DUSP16: variants seen among roughly 807,000 people sequenced by gnomAD.
DUSP16 encodes dual specificity protein phosphatase 16.
Under a neutral mutation model 58.3 loss-of-function variants are expected in DUSP16, and 21 were observed. That is an observed-to-expected ratio of 0.36 (90% CI 0.26 to 0.52). DUSP16 has a LOEUF of 0.52. Ranked by LOEUF, DUSP16 falls within the 20% of genes least tolerant of loss-of-function variation. The pLI is 0.94. For synonymous variants in DUSP16, 320 were observed against 323.8 expected, an observed-to-expected ratio of 0.99 and a Z score of 0.12; for missense variants, 726 against 819.0, an observed-to-expected ratio of 0.89 and a Z score of 1.39.
At position 12,562,667 on chromosome 12, in the gene DUSP16, G is replaced by A. The variant is rs1484064723; in HGVS notation, c.-916C>T. ...TAAAAATAAAGAGATGGCGTCACTT[G>A]AAACCAATCCCAGTGAATGAACTCA... On this transcript the variant is annotated 5_prime_UTR_variant, in exon 1 of 7. Coordinates refer to ENST00000298573, the MANE Select transcript of DUSP16 (RefSeq NM_030640.3). Among the ~76,000 whole-genome samples, 1 of 152,008 alleles carries A rather than the reference G, an allele frequency of 6.6e-6. No homozygotes were observed. Among genetic ancestry groups the A allele is most frequent in the Non-Finnish European group, 1.5e-5 (1 of 67,894 alleles).
chr12:12,482,063 C>T (rs1177604764), intron 5 of DUSP16, among the ~76,000 whole-genome samples: 1 of 152,128 alleles, frequency 6.6e-6, no homozygotes, highest in Non-Finnish European at 1.5e-5. Flanking sequence ...TTATTGAAAA[C>T]TGCTTCAAAT....
chr12:12,538,655 T>C (rs1944506923), intron 1 of DUSP16, among the ~76,000 whole-genome samples: 1 of 152,158 alleles, frequency 6.6e-6, no homozygotes, highest in Non-Finnish European at 1.5e-5. Context: ...TGTGGAGAGT[T>C]GCCCTCACCA....
intron 1 of DUSP16, among the ~76,000 whole-genome samples, chr12:12,555,556 A>T (rs976569747): frequency 2.6e-5 from 4 of 152,204 alleles, no homozygotes; most frequent in African/African-American, 9.6e-5. Flanking sequence ...AATAATGGAT[A>T]TATTAAATAT....
At position 12,477,112 on chromosome 12, in the gene DUSP16, G is replaced by A. The variant is rs529763150; in HGVS notation, c.1719C>T (p.Tyr573=). The A allele has an allele frequency of 4.4e-5, 71 of 1,614,258 alleles. 1 individual carries two copies. In the South Asian group the frequency reaches 6.1e-4, roughly 14 times the overall value. ...AGGCAGAGTAACTGGCACTGCCTCC[G>A]TAGATGGCTGAGGCAGAGTAGAAGT... is the stretch of plus-strand genomic sequence containing the variant. ...SSHFYSASAI[Y]GGSASYSAYS... Residue 573 remains tyrosine (Y), a synonymous_variant, in exon 7 of 7, where the codon TAC becomes TAT. Coordinates refer to ENST00000298573, the MANE Select transcript of DUSP16 (RefSeq NM_030640.3). This position sits in a 1 kb window ranked among gnomAD's most constrained non-coding sequence, Gnocchi z 4.1.
intron 3 of DUSP16, among the ~76,000 whole-genome samples, chr12:12,507,855 C>T (rs1432340289): frequency 3.3e-5 from 5 of 152,206 alleles, no homozygotes; most frequent in Non-Finnish European, 5.9e-5. Flanking sequence ...GTGATCAGCC[C>T]GCCTTGGCCT....
chr12:12,499,441 A>T (rs574780555), intron 4 of DUSP16, among the ~76,000 whole-genome samples: 1 of 152,332 alleles, frequency 6.6e-6, no homozygotes, highest in South Asian at 2.1e-4. Context: ...ACATATTAAC[A>T]ACACAGTGTT....
chr12:12,503,224 C>CT (rs34349090), intron 3 of DUSP16, among the ~76,000 whole-genome samples: 22,399 of 115,436 alleles, frequency 0.19, 2,690 homozygotes, highest in East Asian at 0.36. Context: ...CTGGTTATTG[C>CT]TTTTTTTTTT....
At chr12:12,504,687 C>T (rs1461433563) in intron 3 of DUSP16, among the ~76,000 whole-genome samples, 2 of 76,546 alleles carry the variant, frequency 2.6e-5, no homozygotes, top group African/African-American at 1.1e-4. Context: ...AACCCAATCT[C>T]TGTTAAAAAA....
chr12:12,522,986 A>G (rs1460605100), intron 1 of DUSP16, among the ~76,000 whole-genome samples: 1 of 152,220 alleles, frequency 6.6e-6, no homozygotes, highest in East Asian at 1.9e-4. Context: ...AAACAGTTTA[A>G]GATTCTAAAT....
chr12:12,550,734 T>A (rs1452069023), intron 1 of DUSP16, among the ~76,000 whole-genome samples: 1 of 151,740 alleles, frequency 6.6e-6, no homozygotes, highest in Non-Finnish European at 1.5e-5. Flanking sequence ...CACGCTGGGG[T>A]CTGTTGGGGA....
chr12:12,504,537 C>T (rs569360874), intron 3 of DUSP16, among the ~76,000 whole-genome samples: 1 of 152,186 alleles, frequency 6.6e-6, no homozygotes, highest in South Asian at 2.1e-4. Flanking sequence ...GCTGGGTTTA[C>T]AGGCATGAGC....
rs150999051 is a variant in DUSP16, at chr12:12,550,892, A to T, written c.-366+11225T>A. Among the ~76,000 whole-genome samples the T allele has an allele frequency of 3.1e-3, 456 of 149,010 alleles. 11 individuals carry two copies. In the East Asian group the frequency reaches 0.069, roughly 23 times the overall value. ...GTACCCCAAAACTTAAAGTATAATTAAAAAAAAAAGCCAGTCTCACTTAAC... is the reference window on the plus strand; with the variant it reads ...GTACCCCAAAACTTAAAGTATAATTTAAAAAAAAAGCCAGTCTCACTTAAC... On this transcript the variant is annotated intron_variant, in intron 1 of 6. Transcript: ENST00000298573.
At chr12:12,494,941 C>T (rs553104113) in intron 4 of DUSP16, among the ~76,000 whole-genome samples, 5 of 152,094 alleles carry the variant, frequency 3.3e-5, no homozygotes, top group Non-Finnish European at 5.9e-5. Flanking sequence ...CAGTGTGGCA[C>T]GGAATAAAGT....
chr12:12,521,145 G>GA lies in DUSP16; in HGVS notation c.-48dup. ...CCCACCTCCTTCTTTAATTTGCCACGATGATGTAATGGTGGTGTGCTCAAA... is the reference window on the plus strand; with the variant it reads ...CCCACCTCCTTCTTTAATTTGCCACGAATGATGTAATGGTGGTGTGCTCAAA... On this transcript the variant is annotated 5_prime_UTR_variant, in exon 2 of 7. Coordinates refer to ENST00000298573, the MANE Select transcript of DUSP16 (RefSeq NM_030640.3). 6.3e-7 allele frequency: 1 copy of GA among 1,590,448 alleles called. No individual in the cohort carries two copies. The highest frequency in any genetic ancestry group is 8.6e-7 in the Non-Finnish European group (1 of 1,168,134).
At chr12:12,549,276 A>G (rs980300576) in intron 1 of DUSP16, among the ~76,000 whole-genome samples, 5 of 152,136 alleles carry the variant, frequency 3.3e-5, no homozygotes, top group Admixed American at 2.6e-4. Flanking sequence ...TAAGTTGCTA[A>G]AAGGCAGACT....
At chr12:12,554,153 C>T (rs780933571) in intron 1 of DUSP16, among the ~76,000 whole-genome samples, 174 of 143,608 alleles carry the variant, frequency 1.2e-3, no homozygotes, top group Non-Finnish European at 2.1e-3. Flanking sequence ...GCTGAGACTG[C>T]GCCACTGCAC....
chr12:12,531,785 C>T (rs1489534470), intron 1 of DUSP16, among the ~76,000 whole-genome samples: 8 of 148,360 alleles, frequency 5.4e-5, no homozygotes, highest in African/African-American at 7.5e-5. Flanking sequence ...GCAGGAGAAT[C>T]GCTTGAACTT....
At chr12:12,540,202 G>A (rs568340292) in intron 1 of DUSP16, among the ~76,000 whole-genome samples, 1 of 151,986 alleles carries the variant, frequency 6.6e-6, no homozygotes, top group African/African-American at 2.4e-5. Context: ...AGCTACTAGT[G>A]AGGCTAAGCC....
At chr12:12,500,067 C>G (rs1328517375) in intron 4 of DUSP16, among the ~76,000 whole-genome samples, 1 of 152,088 alleles carries the variant, frequency 6.6e-6, no homozygotes, top group African/African-American at 2.4e-5. Context: ...CTTTTTAACA[C>G]CTTTCCCCAC....
Sources: allele counts gnomAD v4.1 joint callset (sites outside exome capture counted in the v4.1 genomes callset), GRCh38; gene constraint gnomAD v4.1.1; non-coding constraint Gnocchi (gnomAD v3.1); transcripts MANE v1.5; gene names NCBI Gene and HGNC (gene_info 2026-07-23, HGNC 2026-07-21).